CSMD1: variants seen among roughly 807,000 people sequenced by gnomAD.
The protein encoded by CSMD1 is CUB and sushi domain-containing protein 1.
Under a neutral mutation model 417.5 loss-of-function variants are expected in CSMD1, and 213 were observed. The observed-to-expected ratio is 0.51, with a 90% CI of 0.46 to 0.57. The LOEUF is 0.57. Among genes scored for constraint, CSMD1 ranks in the 20% least tolerant of loss-of-function variants. The probability of loss-of-function intolerance (pLI) is 0.00; values close to 1 mark genes in which losing one functional copy is unlikely to be tolerated. For missense variants in CSMD1, 6,923 were observed against 4,529.7 expected (o/e 1.53, Z -15.17); for synonymous variants, 2,862 against 1,736.8 (o/e 1.65, Z -16.11).
At chr8:3,178,470 C>T (rs17319073) in intron 37 of CSMD1, among the ~76,000 whole-genome samples, 3 of 152,068 alleles carry the variant, frequency 2.0e-5, no homozygotes, top group African/African-American at 7.2e-5. Context: ...TATACGTCAC[C>T]TTCCTGGTAG....
At chr8:4,448,268 C>G (rs1201882391) in intron 2 of CSMD1, among the ~76,000 whole-genome samples, 2 of 152,142 alleles carry the variant, frequency 1.3e-5, no homozygotes, top group Non-Finnish European at 2.9e-5. Context: ...CAAAGCATTT[C>G]CAAATATAGT....
intron 5 of CSMD1, among the ~76,000 whole-genome samples, chr8:3,768,325 C>T (rs1473112593): frequency 6.6e-6 from 1 of 152,282 alleles, no homozygotes; most frequent in African/African-American, 2.4e-5. Flanking sequence ...AATAATCCAA[C>T]CTAACTGTGG....
chr8:4,228,069 T>A (rs560735612), intron 3 of CSMD1, among the ~76,000 whole-genome samples: 3 of 151,848 alleles, frequency 2.0e-5, no homozygotes, highest in Non-Finnish European at 4.4e-5. Flanking sequence ...TAACTTGCAT[T>A]AAACCCCACA....
chr8:3,368,169 T>C (rs111443697), intron 19 of CSMD1, among the ~76,000 whole-genome samples: 3 of 152,234 alleles, frequency 2.0e-5, no homozygotes, highest in African/African-American at 7.2e-5. Context: ...GTCTTCTTTA[T>C]GCTTAATTTC....
At chr8:4,149,871 T>G (rs1796476670) in intron 3 of CSMD1, among the ~76,000 whole-genome samples, 1 of 152,228 alleles carries the variant, frequency 6.6e-6, no homozygotes. Context: ...TGATTATTTG[T>G]AAGCTGACCC....
At chr8:3,093,161 G>C (rs1275706368) in intron 47 of CSMD1, among the ~76,000 whole-genome samples, 3 of 152,052 alleles carry the variant, frequency 2.0e-5, no homozygotes, top group Admixed American at 2.0e-4. Flanking sequence ...AGAGAGGGAG[G>C]GTCCCTAAAG....
At chr8:3,079,557 T>A (rs933466467) in intron 49 of CSMD1, among the ~76,000 whole-genome samples, 1 of 152,168 alleles carries the variant, frequency 6.6e-6, no homozygotes, top group African/African-American at 2.4e-5. Context: ...TGTTCATAAG[T>A]GAAGGATTTT....
rs551217015 is a variant in CSMD1 at position 4,461,398 on chromosome 8, G to T, written c.303-41333C>A. On this transcript the variant is annotated intron_variant, in intron 2 of 69. Coordinates refer to ENST00000635120, the MANE Select transcript of CSMD1 (RefSeq NM_033225.6). ...AGGAAATTTAAAGGCATAAAGATAG[G>T]TAAAGAAGATAAAAATATAACTATT... 3.3e-5 allele frequency among the ~76,000 whole-genome samples: 5 copies of T among 151,116 alleles called. 1 individual carries two copies. The East Asian group carries it at 5.8e-4, about 18-fold the overall frequency.
chr8:3,092,481 G>A (rs1039541112), intron 47 of CSMD1, among the ~76,000 whole-genome samples: 1 of 152,146 alleles, frequency 6.6e-6, no homozygotes, highest in Non-Finnish European at 1.5e-5. Context: ...ACTTCCTCTA[G>A]GAGAGGCACA....
intron 1 of CSMD1, among the ~76,000 whole-genome samples, chr8:4,834,956 CAAAAAA>C (rs1194297821): frequency 1.0e-4 from 2 of 19,830 alleles, no homozygotes; most frequent in Admixed American, 1.3e-3. Context: ...GACTCCATCT[CAAAAAA>C]AAAAAAAAAA....
intron 1 of CSMD1, among the ~76,000 whole-genome samples, chr8:4,676,614 T>C (rs1447709101): frequency 6.6e-6 from 1 of 152,114 alleles, no homozygotes; most frequent in African/African-American, 2.4e-5. Flanking sequence ...ATCTCCATTC[T>C]CCTTTCGCAC....
In CSMD1 at chr8:3,599,491, CAG is replaced by C. The variant is rs368765187; in HGVS notation, c.1098-13233_1098-13232del. On this transcript the variant is annotated intron_variant, in intron 8 of 69. Transcript: ENST00000635120. The stretch of plus-strand genomic sequence containing the variant: ...CAACGCAGCATTAGTAACCCCAACG[CAG>C]AGTTAGTAACCCCAACACAGCATTA... 1.5e-3 allele frequency among the ~76,000 whole-genome samples: 224 copies of C among 152,236 alleles called. 1 individual carries two copies. The highest frequency in any genetic ancestry group is 5.0e-3 in the African/African-American group (209 of 41,540).
intron 3 of CSMD1, among the ~76,000 whole-genome samples, chr8:4,409,286 G>C (rs541698694): frequency 6.6e-6 from 1 of 152,088 alleles, no homozygotes; most frequent in African/African-American, 2.4e-5. Context: ...TCTCGGCTTT[G>C]TGTTAAGTCA....
Position 4,457,051 on chromosome 8 carries a change from G to C in CSMD1, c.303-36986C>G, listed in dbSNP as rs73514604. Among the ~76,000 whole-genome samples the C allele has an allele frequency of 5.1e-3, 773 of 151,296 alleles. 1 individual carries two copies. The highest frequency in any genetic ancestry group is 0.018 in the African/African-American group (726 of 41,172). ...TCGCTGATTCCTGGAGCATCTCAGA[G>C]AATTAAGCCCCATACCAGGTGTGTC... On this transcript the variant is annotated intron_variant, in intron 2 of 69. Coordinates refer to ENST00000635120, the MANE Select transcript of CSMD1 (RefSeq NM_033225.6).
intron 51 of CSMD1, among the ~76,000 whole-genome samples, chr8:3,026,493 G>C (rs142079209): frequency 6.6e-6 from 1 of 151,550 alleles, no homozygotes; most frequent in Non-Finnish European, 1.5e-5. Flanking sequence ...GGCTTGACTG[G>C]GCCTCACTGG....
intron 5 of CSMD1, among the ~76,000 whole-genome samples, chr8:3,852,577 G>T (rs34971236): frequency 6.6e-6 from 1 of 152,070 alleles, no homozygotes; most frequent in Non-Finnish European, 1.5e-5. Context: ...ATGGAGTAGA[G>T]GACTTACTCG....
chr8:4,657,403 T>C lies in CSMD1; in HGVS notation c.86-19845A>G, dbSNP rs147580040. 2.3e-3 allele frequency among the ~76,000 whole-genome samples: 350 copies of C among 152,320 alleles called. 2 individuals are homozygous for C. The highest frequency in any genetic ancestry group is 8.2e-3 in the African/African-American group (341 of 41,578). ...TCTCTTTTCCTTTCTTTCTTATTCATGTCCATTCCCTTCCCTCTCTGTCTC... is the reference window on the plus strand; with the variant it reads ...TCTCTTTTCCTTTCTTTCTTATTCACGTCCATTCCCTTCCCTCTCTGTCTC... On this transcript the variant is annotated intron_variant, in intron 1 of 69. Coordinates refer to ENST00000635120, the MANE Select transcript of CSMD1 (RefSeq NM_033225.6).
intron 26 of CSMD1, among the ~76,000 whole-genome samples, chr8:3,232,046 A>G (rs1343068169): frequency 2.6e-5 from 4 of 152,220 alleles, no homozygotes; most frequent in Non-Finnish European, 5.9e-5. Context: ...GAACAATGAA[A>G]TGAACATCTG....
intron 59 of CSMD1, among the ~76,000 whole-genome samples, chr8:2,964,778 C>T (rs551110778): frequency 6.6e-6 from 1 of 152,214 alleles, no homozygotes; most frequent in South Asian, 2.1e-4. Flanking sequence ...TACTGGGAGA[C>T]GAAAGCAGGA....
Sources: gnomAD v4.1 joint callset for allele counts (sites outside exome capture counted in the v4.1 genomes callset) on GRCh38, gnomAD v4.1.1 for gene constraint, MANE v1.5 for transcripts, NCBI Gene and HGNC (gene_info 2026-07-23, HGNC 2026-07-21) for gene names.